Variants in PJVK observed in about 807,000 individuals in gnomAD.
PJVK encodes the protein pejvakin, also known as autosomal recessive deafness type 59 protein.
A neutral mutation model predicts 37.6 loss-of-function variants in PJVK; 33 were observed. The ratio of observed to expected loss-of-function variants is 0.88; its 90% CI spans 0.67 to 1.17. The LOEUF (loss-of-function observed/expected upper bound fraction) is 1.17, where lower values mean the gene tolerates loss of function less well. Ranked by LOEUF, PJVK falls within the 50% of genes most tolerant of loss-of-function variation. The pLI is 0.00. For synonymous variants in PJVK, 141 were observed against 143.5 expected (o/e 0.98, Z 0.13); for missense variants, 410 against 413.8 (o/e 0.99, Z 0.08).
Position 178,452,747 on chromosome 2 carries a change from T to C in PJVK, c.-22-641T>C, listed in dbSNP as rs569118343. 2.7e-5 allele frequency: 12 copies of C among 441,896 alleles called. No individual in the cohort carries two copies. The South Asian group carries it at 7.7e-4, about 28-fold the overall frequency. 27.4% of individuals were successfully genotyped at this position (441,896 alleles called of 1,614,324 possible). A position where few individuals can be genotyped will look rare whatever the true frequency, so the allele number is the denominator to read the frequency against. Reference sequence around the variant, plus strand: ...AGTAAGAAACCACTAGGTAATAGTTTATATAGTTACTTATATGTAATGTGG... The same window carrying C: ...AGTAAGAAACCACTAGGTAATAGTTCATATAGTTACTTATATGTAATGTGG... On this transcript the variant is annotated intron_variant, in intron 1 of 6. Coordinates refer to ENST00000644580, the MANE Select transcript of PJVK (RefSeq NM_001042702.5).
chr2:178,460,849 A>AG, intron 6 of PJVK, 133 bp from the exon 7 acceptor site: 1 of 80,642 alleles, frequency 1.2e-5, no homozygotes, highest in Non-Finnish European at 2.2e-5. Flanking sequence ...ACCCTGTCTC[A>AG]AAAAAAAAAA....
At chr2:178,454,052 C>T (rs954771495) in intron 2 of PJVK, 11 of 345,636 alleles carry the variant, frequency 3.2e-5, no homozygotes, top group African/African-American at 2.2e-4. Flanking sequence ...TGAGTTACTA[C>T]TTATAAACGC....
intron 2 of PJVK, chr2:178,453,899 AATGGG>A (rs1436834891): frequency 8.6e-5 from 33 of 382,070 alleles, no homozygotes; most frequent in Non-Finnish European, 1.4e-4. Flanking sequence ...TCATCTATAA[AATGGG>A]ATATTATTTG....
intron 6 of PJVK, 60 bp from the exon 7 acceptor site, chr2:178,460,922 G>T: frequency 6.8e-7 from 1 of 1,465,820 alleles, no homozygotes; most frequent in Non-Finnish European, 9.4e-7. Context: ...AATGCTGTTT[G>T]CATTATGTAT....
Position 178,461,584 on chromosome 2 carries a change from C to CTTTTTTTTTTTTTTTTTTTTT in PJVK, c.*328_*329insTTTTTTTTTTTTTTTTTTTTT, listed in dbSNP as rs536141412. On this transcript the variant is annotated 3_prime_UTR_variant, in exon 7 of 7. Coordinates refer to ENST00000644580, the MANE Select transcript of PJVK (RefSeq NM_001042702.5). ...GATGTAGTCTATCATTTTAGTTCAC[C>CTTTTTTTTTTTTTTTTTTTTT]TTTTTTTTTTTTTTTTTTGAGACAG... Among the ~76,000 whole-genome samples the CTTTTTTTTTTTTTTTTTTTTT allele has an allele frequency of 8.7e-4, 107 of 122,776 alleles. 1 individual carries two copies. Among genetic ancestry groups the CTTTTTTTTTTTTTTTTTTTTT allele is most frequent in the African/African-American group, 3.4e-3 (105 of 30,988 alleles). 80.5% of individuals were successfully genotyped at this position (122,776 alleles called of 152,430 possible). A position where few individuals can be genotyped will look rare whatever the true frequency, so the allele number is the denominator to read the frequency against.
chr2:178,453,533 C>T lies in PJVK; in HGVS notation c.124C>T (p.Arg42Ter), dbSNP rs779058198. ...TCTAAGTCTGGTGGTAAAAAAGAAGCGATGCTTTCTGTTTCCTAGATATAA... is the reference window on the plus strand; with the variant it reads ...TCTAAGTCTGGTGGTAAAAAAGAAGTGATGCTTTCTGTTTCCTAGATATAA... ...QPLSLVVKKK[R>*]CFLFPRYKFT... is the part of the protein sequence containing the mutation. The change falls in exon 2 of 7, where the codon CGA becomes TGA. Residue 42 changes from arginine to a stop codon, truncating the protein, a stop_gained. Transcript: ENST00000644580. LOFTEE classifies it high-confidence loss of function. 5.0e-6 allele frequency: 8 copies of T among 1,614,026 alleles called. No homozygotes were observed. The highest frequency in any genetic ancestry group is 1.7e-5 in the Admixed American group (1 of 60,022).
intron 4 of PJVK, 46 bp from the exon 5 acceptor site, chr2:178,458,464 T>C: frequency 1.4e-6 from 2 of 1,437,362 alleles, no homozygotes; most frequent in Non-Finnish European, 2.0e-6. Context: ...AAAGCTATCC[T>C]TACATGTTAT....
rs1233839888 is a variant in PJVK, at chr2:178,453,375, C to T, written c.-22-13C>T. On this transcript the variant is annotated splice_polypyrimidine_tract_variant and intron_variant, in intron 1 of 6. Transcript: ENST00000644580. The stretch of plus-strand genomic sequence containing the variant: ...TTTTCCTCTTTAAAAATGGATTTAT[C>T]TGGGGGTTGCAGTTGATGACGTTTT... 18 of 1,610,578 alleles carry T rather than the reference C, an allele frequency of 1.1e-5. No homozygotes were observed. The highest frequency in any genetic ancestry group is 6.6e-5 in the South Asian group (6 of 90,796).
rs1175533088 is a variant in PJVK at position 178,451,752 on chromosome 2, C to A, written c.-40C>A. 2.0e-6 allele frequency: 2 copies of A among 985,086 alleles called. No homozygotes were observed. The highest frequency in any genetic ancestry group is 3.5e-5 in the African/African-American group (2 of 57,226). 61.0% of individuals were successfully genotyped at this position (985,086 alleles called of 1,614,324 possible). A position where few individuals can be genotyped will look rare whatever the true frequency, so the allele number is the denominator to read the frequency against. ...GCTCCTTTGTCTTCTGGGCTTTCGTCGCGAGATGGAACGCTGGGTCAGTGC... is the reference window on the plus strand; with the variant it reads ...GCTCCTTTGTCTTCTGGGCTTTCGTAGCGAGATGGAACGCTGGGTCAGTGC... On this transcript the variant is annotated 5_prime_UTR_variant, in exon 1 of 7. Coordinates refer to ENST00000644580, the MANE Select transcript of PJVK (RefSeq NM_001042702.5).
chr2:178,459,684 T>C (rs1046727564), intron 5 of PJVK: 2 of 154,328 alleles, frequency 1.3e-5, no homozygotes, highest in African/African-American at 4.8e-5. Flanking sequence ...TAAATTCTAA[T>C]TGGATAACTT....
At chr2:178,451,841 A>G (rs1312220038) in intron 1 of PJVK, 72 bp downstream of exon 1, 3 of 985,350 alleles carry the variant, frequency 3.0e-6, no homozygotes, top group Non-Finnish European at 2.4e-6. Flanking sequence ...GTCGGTTGTA[A>G]TGGCGTTTGC....
At position 178,461,226 on chromosome 2, in the gene PJVK, A is replaced by G; in HGVS notation, c.1011A>G (p.Arg337=). Residue 337 remains arginine (R), a synonymous_variant, in exon 7 of 7, where the codon AGA becomes AGG. Transcript: ENST00000644580. The part of the protein sequence containing the change: ...QCSVDGQKYV[R]LHAVPCFDIW... ...CTGTTGATGGTCAGAAGTATGTGAG[A>G]CTTCATGCAGTTCCTTGTTTTGATA... 6.2e-7 allele frequency: 1 copy of G among 1,614,178 alleles called. No homozygotes were observed. The highest frequency in any genetic ancestry group is 1.7e-5 in the Admixed American group (1 of 60,028).
chr2:178,459,888 A>G (rs1559371159), intron 5 of PJVK: 1 of 166,690 alleles, frequency 6.0e-6, no homozygotes, highest in Non-Finnish European at 1.3e-5. Flanking sequence ...AACAACATTA[A>G]GGAGACTAAA....
chr2:178,461,566 T>C lies in PJVK; in HGVS notation c.*292T>C, dbSNP rs542196520. On this transcript the variant is annotated 3_prime_UTR_variant, in exon 7 of 7. Transcript: ENST00000644580. ...CTTTAGAATCATTTTTGGGATGTAGTCTATCATTTTAGTTCACCTTTTTTT... is the reference window on the plus strand; with the variant it reads ...CTTTAGAATCATTTTTGGGATGTAGCCTATCATTTTAGTTCACCTTTTTTT... 1.3e-5 allele frequency among the ~76,000 whole-genome samples: 2 copies of C among 151,264 alleles called. No homozygotes were observed. Among genetic ancestry groups the C allele is most frequent in the African/African-American group, 4.8e-5 (2 of 41,270 alleles).
intron 1 of PJVK, chr2:178,452,664 C>T: frequency 1.0e-6 from 1 of 977,890 alleles, no homozygotes; most frequent in East Asian, 1.1e-4. Flanking sequence ...AATAATGAAA[C>T]AAAAAGATGC....
At chr2:178,457,660 A>G (rs1393444220) in intron 4 of PJVK, among the ~76,000 whole-genome samples, 2 of 152,202 alleles carry the variant, frequency 1.3e-5, no homozygotes, top group Non-Finnish European at 2.9e-5. Context: ...TGGGGCCAGC[A>G]GCCATCCAAC....
rs750586649 is a variant in PJVK, at chr2:178,461,236, G to A, written c.1021G>A (p.Val341Ile). 1 of 1,614,174 alleles carries A rather than the reference G, an allele frequency of 6.2e-7. No homozygotes were observed. The highest frequency in any genetic ancestry group is 8.5e-7 in the Non-Finnish European group (1 of 1,180,020). ...DGQKYVRLHA[V>I]PCFDIWHKRM... is the part of the protein sequence containing the mutation. ...TCAGAAGTATGTGAGACTTCATGCAGTTCCTTGTTTTGATATTTGGCACAA... is the reference window on the plus strand; with the variant it reads ...TCAGAAGTATGTGAGACTTCATGCAATTCCTTGTTTTGATATTTGGCACAA... Residue 341 changes from valine (V) to isoleucine (I), a missense_variant, in exon 7 of 7, where the codon GTT becomes ATT. By Grantham distance (29) the Val-to-Ile change is conservative (BLOSUM62 3). Coordinates refer to ENST00000644580, the MANE Select transcript of PJVK (RefSeq NM_001042702.5).
intron 5 of PJVK, among the ~76,000 whole-genome samples, chr2:178,459,635 G>T (rs959067162): frequency 3.9e-5 from 6 of 152,134 alleles, no homozygotes; most frequent in African/African-American, 1.4e-4. Flanking sequence ...TTTGACTGTA[G>T]TCACCCTATT....
chr2:178,460,848 CAAAAAAAAAA>C lies in PJVK; in HGVS notation c.767-119_767-110del, dbSNP rs748779811. On this transcript the variant is annotated intron_variant, in intron 6 of 6. Transcript: ENST00000644580. ...TGGGTGACAGAGCCAGACCCTGTCT[CAAAAAAAAAA>C]AAAAAAAAAAAAAAGCCAAATTATT... 0.025 allele frequency: 7,704 copies of C among 310,248 alleles called. 49 individuals carry two copies. The highest frequency in any genetic ancestry group is 0.032 in the Non-Finnish European group (5,983 of 186,468). The allele number at this position is 310,248 out of a possible 1,614,324, so 19.2% of individuals were successfully genotyped here.
Sources: allele counts gnomAD v4.1 joint callset (sites outside exome capture counted in the v4.1 genomes callset), GRCh38; gene constraint gnomAD v4.1.1; transcripts MANE v1.5; gene names NCBI Gene and HGNC (gene_info 2026-07-23, HGNC 2026-07-21).